RASA3: variants seen among roughly 807,000 people sequenced by gnomAD.
RASA3 encodes RAS p21 protein activator 3.
In RASA3, 73 loss-of-function variants were observed where a neutral mutation model predicts 110.0. The ratio of observed to expected loss-of-function variants is 0.66; its 90% CI spans 0.55 to 0.81. The LOEUF (loss-of-function observed/expected upper bound fraction) is 0.81, where lower values mean the gene tolerates loss of function less well. RASA3 is among the 30% of genes least tolerant of loss of function. The pLI is 0.00. For synonymous variants in RASA3, 500 were observed against 451.4 expected, an observed-to-expected ratio of 1.11 and a Z score of -1.37; for missense variants, 976 against 1,113.2, an observed-to-expected ratio of 0.88 and a Z score of 1.75.
chr13:114,081,815 A>G (rs1336230047), intron 1 of RASA3, among the ~76,000 whole-genome samples: 1 of 152,178 alleles, frequency 6.6e-6, no homozygotes, highest in South Asian at 2.1e-4. Flanking sequence ...ACAAAGGAGC[A>G]GAGACACACC....
chr13:114,111,642 G>T (rs1446192023), intron 1 of RASA3, among the ~76,000 whole-genome samples: 1 of 152,260 alleles, frequency 6.6e-6, no homozygotes, highest in African/African-American at 2.4e-5. Flanking sequence ...AGCCTCTAAG[G>T]AGGGAAACGT....
chr13:114,114,639 T>G lies in RASA3; in HGVS notation c.55+17796A>C, dbSNP rs141916535. On this transcript the variant is annotated intron_variant, in intron 1 of 23. Coordinates refer to ENST00000334062, the MANE Select transcript of RASA3 (RefSeq NM_007368.4). This position sits in a 1 kb window ranked among gnomAD's most constrained non-coding sequence, Gnocchi z 4.8. Reference sequence around the variant, plus strand: ...AATGAGTTGAGCACTATCACATATTTAATTGACTCGTAAAAGCAACTTGTT... The same window carrying G: ...AATGAGTTGAGCACTATCACATATTGAATTGACTCGTAAAAGCAACTTGTT... Among the ~76,000 whole-genome samples, 5 of 152,352 alleles carry G rather than the reference T, an allele frequency of 3.3e-5. No individual in the cohort carries two copies. Among genetic ancestry groups the G allele is most frequent in the Non-Finnish European group, 7.3e-5 (5 of 68,032 alleles).
At chr13:113,980,698 G>T (rs910408598) in intron 23 of RASA3, among the ~76,000 whole-genome samples, 37 of 152,258 alleles carry the variant, frequency 2.4e-4, no homozygotes, top group Admixed American at 2.0e-3. Context: ...CAGAGGTGAA[G>T]TCACAGCACT....
intron 22 of RASA3, among the ~76,000 whole-genome samples, chr13:113,992,238 G>A (rs909432765): frequency 6.6e-6 from 1 of 152,248 alleles, no homozygotes; most frequent in African/African-American, 2.4e-5. Flanking sequence ...TGGCAGTACA[G>A]AGGTTACAAG....
At chr13:114,117,914 C>G (rs1331396294) in intron 1 of RASA3, among the ~76,000 whole-genome samples, 2 of 142,236 alleles carry the variant, frequency 1.4e-5, no homozygotes, top group African/African-American at 5.3e-5. Context: ...GGTGCATGCA[C>G]ACACACCTGT....
chr13:114,060,019 G>T (rs903170877), intron 2 of RASA3, among the ~76,000 whole-genome samples: 2 of 152,254 alleles, frequency 1.3e-5, no homozygotes, highest in Non-Finnish European at 2.9e-5. Flanking sequence ...CTTGAACAGC[G>T]CTGTGGACGG....
chr13:114,055,161 C>T (rs1170878358), intron 2 of RASA3, among the ~76,000 whole-genome samples: 1 of 151,942 alleles, frequency 6.6e-6, no homozygotes, highest in Non-Finnish European at 1.5e-5. Flanking sequence ...CCCACAGGCA[C>T]GTGTGCATGG....
intron 1 of RASA3, among the ~76,000 whole-genome samples, chr13:114,098,102 G>T (rs1393796240): frequency 6.6e-6 from 1 of 152,118 alleles, no homozygotes; most frequent in African/African-American, 2.4e-5. Context: ...AGGCCCAAGT[G>T]GACCCCAGGG....
intron 1 of RASA3, among the ~76,000 whole-genome samples, chr13:114,098,665 C>T (rs917746833): frequency 6.6e-6 from 1 of 151,940 alleles, no homozygotes; most frequent in Non-Finnish European, 1.5e-5. Flanking sequence ...GGCATGGAGG[C>T]CGGCTGAGAG....
chr13:113,998,878 CG>C (rs1202567251), intron 20 of RASA3, among the ~76,000 whole-genome samples: 1 of 152,222 alleles, frequency 6.6e-6, no homozygotes, highest in Non-Finnish European at 1.5e-5. Flanking sequence ...GAACCACAGC[CG>C]GAAGAACGGG....
At chr13:114,092,077 G>A (rs553220795) in intron 1 of RASA3, among the ~76,000 whole-genome samples, 20 of 149,458 alleles carry the variant, frequency 1.3e-4, no homozygotes, top group Non-Finnish European at 1.8e-4. Flanking sequence ...TTTTTTCTTA[G>A]TCTAGCTAGA....
At chr13:114,070,621 C>T (rs369759233) in intron 2 of RASA3, among the ~76,000 whole-genome samples, 7 of 151,956 alleles carry the variant, frequency 4.6e-5, no homozygotes, top group Non-Finnish European at 7.4e-5. Context: ...CAGTGTTACA[C>T]GTGGGCAGGG....
intron 1 of RASA3, among the ~76,000 whole-genome samples, chr13:114,077,456 C>T (rs1466386158): frequency 2.1e-5 from 3 of 145,790 alleles, no homozygotes; most frequent in Non-Finnish European, 4.5e-5. Flanking sequence ...ACCAACACAC[C>T]GGATTCATCC....
chr13:114,108,266 ACC>A (rs2080164128), intron 1 of RASA3, among the ~76,000 whole-genome samples: 1 of 27,128 alleles, frequency 3.7e-5, no homozygotes. Context: ...TGCATCCGTC[ACC>A]CCGTGTCTGT....
intron 1 of RASA3, among the ~76,000 whole-genome samples, chr13:114,116,196 C>T (rs2139773873): frequency 6.6e-6 from 1 of 152,296 alleles, no homozygotes; most frequent in African/African-American, 2.4e-5. Context: ...AAGTTTTTGG[C>T]CTTGAGAAGG....
Position 114,131,722 on chromosome 13 carries a change from GCACACACACAAACGCGCGCACA to G in RASA3, c.55+691_55+712del, listed in dbSNP as rs754320982. Among the ~76,000 whole-genome samples, 322 of 152,226 alleles carry G rather than the reference GCACACACACAAACGCGCGCACA, an allele frequency of 2.1e-3. 2 individuals are homozygous for G. Among genetic ancestry groups the G allele is most frequent in the South Asian group, 6.0e-3 (29 of 4,828 alleles). ...GCCCCACCAGCACACACGCACACATGCACACACACAAACGCGCGCACACACACGCGCCCACACACAAATACAC... is the reference window on the plus strand; with the variant it reads ...GCCCCACCAGCACACACGCACACATGCACACGCGCCCACACACAAATACAC... On this transcript the variant is annotated intron_variant, in intron 1 of 23. Transcript: ENST00000334062.
At position 114,016,233 on chromosome 13, in the gene RASA3, C is replaced by T. The variant is rs144228038; in HGVS notation, c.1245G>A (p.Val415=). The T allele has an allele frequency of 9.7e-4, 1,558 of 1,603,236 alleles. 1 individual carries two copies. The highest frequency in any genetic ancestry group is 1.2e-3 in the Non-Finnish European group (1,438 of 1,170,216). ...CAAGGTTTTCTCCGTCTTTCAACTT[C>T]ACAGGGTCGATTTCACAGGGTTTGT... is the stretch of plus-strand genomic sequence containing the variant. ...QSHKPCEIDP[V]KLKDGENLEN... is the part of the protein sequence containing the mutation. Residue 415 remains valine, a synonymous_variant, in exon 13 of 24, where the codon GTG becomes GTA. Transcript: ENST00000334062.
intron 1 of RASA3, among the ~76,000 whole-genome samples, chr13:114,109,728 C>T (rs2080190362): frequency 6.6e-6 from 1 of 152,218 alleles, no homozygotes; most frequent in African/African-American, 2.4e-5. Context: ...GGCCCTCGAG[C>T]CTCCAAACGC....
In RASA3 at chr13:114,036,902, T is replaced by G. The variant is rs117169849; in HGVS notation, c.372+4098A>C. Reference sequence around the variant, plus strand: ...CCACTGCTCCCTGTCACGCTACGTTTTGGGCGGCGTTGGGGCTGACTGCAT... The same window carrying G: ...CCACTGCTCCCTGTCACGCTACGTTGTGGGCGGCGTTGGGGCTGACTGCAT... On this transcript the variant is annotated intron_variant, in intron 4 of 23. Coordinates refer to ENST00000334062, the MANE Select transcript of RASA3 (RefSeq NM_007368.4). Among the ~76,000 whole-genome samples, 875 of 152,280 alleles carry G rather than the reference T, an allele frequency of 5.7e-3. 24 individuals carry two copies. Among genetic ancestry groups the G allele is most frequent in the East Asian group, 0.057 (296 of 5,182 alleles).
Sources: allele counts gnomAD v4.1 joint callset (sites outside exome capture counted in the v4.1 genomes callset), GRCh38; gene constraint gnomAD v4.1.1; non-coding constraint Gnocchi (gnomAD v3.1); transcripts MANE v1.5; gene names NCBI Gene and HGNC (gene_info 2026-07-23, HGNC 2026-07-21).